Variants in ITSN1 observed in about 807,000 individuals in gnomAD.
ITSN1 encodes the protein intersectin 1.
In ITSN1, 58 loss-of-function variants were observed where a neutral mutation model predicts 239.8. The ratio of observed to expected loss-of-function variants is 0.24; its 90% CI spans 0.20 to 0.30. ITSN1 has a LOEUF of 0.30. ITSN1 is among the 10% of genes least tolerant of loss of function. The pLI is 1.00. For missense variants in ITSN1, 1,558 were observed against 2,103.3 expected (o/e 0.74, Z 5.07); for synonymous variants, 780 against 770.8 (o/e 1.01, Z -0.20).
chr21:33,848,786 A>G (rs2075064805), intron 29 of ITSN1, among the ~76,000 whole-genome samples: 1 of 151,938 alleles, frequency 6.6e-6, no homozygotes, highest in Admixed American at 6.6e-5. Context: ...CCCGACTCCA[A>G]TTTCTATTTA....
At chr21:33,754,341 A>G (rs2067771633) in intron 7 of ITSN1, 1 of 152,258 alleles carries the variant, frequency 6.6e-6, no homozygotes, top group South Asian at 2.1e-4. Context: ...ATATAAGTGC[A>G]TAGATAACAC....
At chr21:33,829,772 A>G (rs200366660) in intron 27 of ITSN1, 27 bp downstream of exon 27, 2 of 1,612,748 alleles carry the variant, frequency 1.2e-6, no homozygotes, top group East Asian at 2.2e-5. Context: ...TTTATTTACA[A>G]TTCTCCATCC....
At chr21:33,732,348 TC>T (rs1212988533) in intron 4 of ITSN1, among the ~76,000 whole-genome samples, 2 of 152,156 alleles carry the variant, frequency 1.3e-5, no homozygotes, top group East Asian at 3.9e-4. Flanking sequence ...GACTTCCTCT[TC>T]CCATCTTGGC....
At chr21:33,661,456 G>A (rs371841106) in intron 1 of ITSN1, among the ~76,000 whole-genome samples, 5 of 151,486 alleles carry the variant, frequency 3.3e-5, no homozygotes, top group African/African-American at 9.7e-5. Flanking sequence ...TTTTATGTGA[G>A]TGTTTGGCAG....
intron 1 of ITSN1, chr21:33,689,436 G>T (rs2091403933): frequency 6.6e-6 from 1 of 152,064 alleles, no homozygotes; most frequent in African/African-American, 2.4e-5. Context: ...GCACTTTTTG[G>T]GAGCTGAGGT....
chr21:33,747,834 A>T (rs1214436341), intron 5 of ITSN1, among the ~76,000 whole-genome samples: 1 of 152,248 alleles, frequency 6.6e-6, no homozygotes, highest in Non-Finnish European at 1.5e-5. Context: ...TACTAAATGA[A>T]GACTTTCAGG....
intron 1 of ITSN1, among the ~76,000 whole-genome samples, chr21:33,677,147 A>G (rs1327690826): frequency 6.6e-6 from 1 of 151,908 alleles, no homozygotes; most frequent in African/African-American, 2.4e-5. Context: ...CCTAGAACTT[A>G]AAGTATAATT....
At chr21:33,657,303 C>T (rs896574600) in intron 1 of ITSN1, among the ~76,000 whole-genome samples, 3 of 152,140 alleles carry the variant, frequency 2.0e-5, no homozygotes, top group Admixed American at 6.6e-5. Flanking sequence ...TTGACCTTCT[C>T]CTTTTATCTC....
intron 1 of ITSN1, among the ~76,000 whole-genome samples, chr21:33,708,877 T>G (rs569167483): frequency 6.6e-6 from 1 of 152,342 alleles, no homozygotes; most frequent in South Asian, 2.1e-4. Flanking sequence ...TCTCCCCACC[T>G]GGATATCCAG....
chr21:33,856,636 G>A, intron 29 of ITSN1, 100 bp from the exon 30 acceptor site: 10 of 1,562,540 alleles, frequency 6.4e-6, no homozygotes, highest in Non-Finnish European at 8.7e-6. Context: ...CTGGACTGGA[G>A]CAAGCCCTCA....
rs528011573 is a variant in ITSN1, at chr21:33,836,404, G to A, written c.3470-37G>A. On this transcript the variant is annotated intron_variant, in intron 28 of 39. Transcript: ENST00000381318. ...CGGTACCCGTTGTGCATTCTCCGGCGGGTGTGCAGCCGCTCACCCAGCCCT... is the reference window on the plus strand; with the variant it reads ...CGGTACCCGTTGTGCATTCTCCGGCAGGTGTGCAGCCGCTCACCCAGCCCT... The A allele has an allele frequency of 2.3e-5, 35 of 1,502,286 alleles. No individual in the cohort carries two copies. The highest frequency in any genetic ancestry group is 1.6e-4 in the East Asian group (7 of 43,012). 93.1% of individuals were successfully genotyped at this position (1,502,286 alleles called of 1,614,324 possible).
At position 33,653,120 on chromosome 21, in the gene ITSN1, G is replaced by C. The variant is rs558488348; in HGVS notation, c.-33+10407G>C. Among the ~76,000 whole-genome samples, 28 of 151,820 alleles carry C rather than the reference G, an allele frequency of 1.8e-4. No homozygotes were observed. The East Asian group carries it at 4.3e-3, about 23-fold the overall frequency. ...AGTGATTCTCCTGCCTCAGCCTCCT[G>C]AGTAGCTGGGACTGCAGGCATGTGC... On this transcript the variant is annotated intron_variant, in intron 1 of 39. Coordinates refer to ENST00000381318, the MANE Select transcript of ITSN1 (RefSeq NM_003024.3).
At chr21:33,873,504 T>G (rs766897663) in intron 33 of ITSN1, among the ~76,000 whole-genome samples, 2 of 152,210 alleles carry the variant, frequency 1.3e-5, no homozygotes, top group Non-Finnish European at 2.9e-5. Flanking sequence ...ACGTGTCTCA[T>G]TTAGTTCTCC....
chr21:33,879,581 C>T (rs1483303428), intron 34 of ITSN1, among the ~76,000 whole-genome samples: 1 of 152,232 alleles, frequency 6.6e-6, no homozygotes, highest in Non-Finnish European at 1.5e-5. Context: ...GACACACAGT[C>T]ATGTGCACTT....
chr21:33,666,992 T>G (rs1356454613), intron 1 of ITSN1, among the ~76,000 whole-genome samples: 1 of 151,972 alleles, frequency 6.6e-6, no homozygotes, highest in Non-Finnish European at 1.5e-5. Flanking sequence ...GTTTTTTTAT[T>G]TTTCATAGAG....
intron 16 of ITSN1, among the ~76,000 whole-genome samples, chr21:33,786,179 G>A (rs8131555): frequency 0.99 from 150,789 of 152,352 alleles, 74,627 homozygotes; most frequent in East Asian, 1. Context: ...AATTAATTTT[G>A]TTGTGATTAT....
chr21:33,762,369 C>T (rs1457641574), intron 9 of ITSN1, among the ~76,000 whole-genome samples: 5 of 151,648 alleles, frequency 3.3e-5, no homozygotes, highest in Admixed American at 2.0e-4. Context: ...CGGGTTCAAG[C>T]GATTCTCCTG....
intron 7 of ITSN1, among the ~76,000 whole-genome samples, chr21:33,752,195 A>G (rs143063168): frequency 1.2e-3 from 178 of 152,192 alleles, no homozygotes; most frequent in African/African-American, 4.2e-3. Flanking sequence ...ATGTTTAAAA[A>G]CAGTAAGATA....
chr21:33,753,604 T>A (rs111633845), intron 7 of ITSN1, among the ~76,000 whole-genome samples: 4,102 of 151,552 alleles, frequency 0.027, 65 homozygotes, highest in Non-Finnish European at 0.038. Flanking sequence ...CTACTAAAAA[T>A]ACAAAAAATT....
Sources: allele counts gnomAD v4.1 joint callset (sites outside exome capture counted in the v4.1 genomes callset), GRCh38; gene constraint gnomAD v4.1.1; transcripts MANE v1.5; gene names NCBI Gene and HGNC (gene_info 2026-07-23, HGNC 2026-07-21).